DYM: variants seen among roughly 807,000 people sequenced by gnomAD.
DYM encodes dymeclin, also known as dyggve-Melchior-Clausen syndrome protein.
DYM carries 78 observed loss-of-function variants against 93.1 expected under a neutral mutation model. That is an observed-to-expected ratio of 0.84 (90% confidence interval 0.70 to 1.01). The LOEUF (loss-of-function observed/expected upper bound fraction) is 1.01, where lower values mean the gene tolerates loss of function less well. Ranked by LOEUF, DYM falls within the 50% of genes least tolerant of loss-of-function variation. DYM has a pLI of 0.00. For missense variants in DYM, 789 were observed against 845.0 expected (o/e 0.93, Z 0.82); for synonymous variants, 321 against 319.7 (o/e 1.00, Z -0.04).
chr18:49,280,548 CA>C (rs1180929455), intron 10 of DYM, among the ~76,000 whole-genome samples: 2 of 152,120 alleles, frequency 1.3e-5, no homozygotes, highest in East Asian at 3.8e-4. Context: ...AAGACCTGAA[CA>C]GGCTGAATCC....
intron 15 of DYM, among the ~76,000 whole-genome samples, chr18:49,158,912 T>A (rs2086754471): frequency 6.6e-6 from 1 of 152,186 alleles, no homozygotes; most frequent in Admixed American, 6.5e-5. Flanking sequence ...CATAATTGGA[T>A]TGTTTGTAAC....
intron 6 of DYM, among the ~76,000 whole-genome samples, chr18:49,360,116 G>C (rs1175658700): frequency 6.6e-6 from 1 of 152,132 alleles, no homozygotes; most frequent in Non-Finnish European, 1.5e-5. Flanking sequence ...TGAAATGTTT[G>C]ATATATTACA....
chr18:49,316,592 T>C (rs2061959478), intron 8 of DYM, among the ~76,000 whole-genome samples: 1 of 152,226 alleles, frequency 6.6e-6, no homozygotes, highest in African/African-American at 2.4e-5. Flanking sequence ...CAACGTTTAC[T>C]GAAGTTTATA....
chr18:49,420,360 G>C (rs1348838711), intron 2 of DYM, among the ~76,000 whole-genome samples: 1 of 151,594 alleles, frequency 6.6e-6, no homozygotes, highest in Non-Finnish European at 1.5e-5. Flanking sequence ...GTAGAGATAG[G>C]GTTTCACCAC....
At chr18:49,254,435 C>T (rs925363229) in intron 13 of DYM, among the ~76,000 whole-genome samples, 8 of 151,470 alleles carry the variant, frequency 5.3e-5, no homozygotes, top group Non-Finnish European at 1.0e-4. Context: ...TAACATAGTT[C>T]GTTATTCATA....
At chr18:49,315,016 A>G (rs1285519646) in intron 8 of DYM, among the ~76,000 whole-genome samples, 1 of 152,132 alleles carries the variant, frequency 6.6e-6, no homozygotes, top group East Asian at 1.9e-4. Flanking sequence ...GGAGTTCGAG[A>G]CCAGCCTGGG....
intron 14 of DYM, among the ~76,000 whole-genome samples, chr18:49,202,168 C>A (rs927990355): frequency 6.6e-5 from 10 of 152,220 alleles, no homozygotes; most frequent in Non-Finnish European, 1.5e-4. Context: ...ATGTGTGATG[C>A]CCTTAAAATG....
At chr18:49,342,573 T>A (rs2064247809) in intron 6 of DYM, among the ~76,000 whole-genome samples, 1 of 152,142 alleles carries the variant, frequency 6.6e-6, no homozygotes, top group African/African-American at 2.4e-5. Flanking sequence ...CATAAAAATA[T>A]TACTCATTGT....
At chr18:49,398,075 G>C (rs923548651) in intron 2 of DYM, among the ~76,000 whole-genome samples, 2 of 152,108 alleles carry the variant, frequency 1.3e-5, no homozygotes, top group Non-Finnish European at 2.9e-5. Context: ...GTTACCTTAA[G>C]AGTCTCAAAT....
intron 11 of DYM, among the ~76,000 whole-genome samples, chr18:49,266,012 T>A (rs944454899): frequency 6.6e-6 from 1 of 151,724 alleles, no homozygotes. Flanking sequence ...AAAAAATAAT[T>A]AGCCAGGTGT....
intron 16 of DYM, among the ~76,000 whole-genome samples, chr18:49,114,774 C>T (rs1049781458): frequency 4.6e-5 from 7 of 152,140 alleles, no homozygotes; most frequent in Non-Finnish European, 1.0e-4. Context: ...TGTACCACCA[C>T]GCCTGGCTCT....
chr18:49,334,776 T>G (rs920721854), intron 6 of DYM, among the ~76,000 whole-genome samples: 1 of 152,200 alleles, frequency 6.6e-6, no homozygotes, highest in African/African-American at 2.4e-5. Context: ...AAATTTAAAT[T>G]CTACCAGATA....
chr18:49,443,222 A>C (rs1317507196), intron 1 of DYM, among the ~76,000 whole-genome samples: 1 of 152,226 alleles, frequency 6.6e-6, no homozygotes, highest in Non-Finnish European at 1.5e-5. Flanking sequence ...TATGAAAAGA[A>C]AATTTCAGTG....
chr18:49,081,519 AG>A (rs1311804043), intron 17 of DYM, among the ~76,000 whole-genome samples: 1 of 124,182 alleles, frequency 8.1e-6, no homozygotes, highest in African/African-American at 3.6e-5. Context: ...GGAGACCGAG[AG>A]GGAGAGGGGA....
At chr18:49,294,696 C>A (rs753121154) in intron 8 of DYM, among the ~76,000 whole-genome samples, 1 of 152,016 alleles carries the variant, frequency 6.6e-6, no homozygotes, top group East Asian at 1.9e-4. Flanking sequence ...TAAGTTACTG[C>A]TTTTTCATAT....
At chr18:49,095,376 C>G (rs1000905680) in intron 17 of DYM, among the ~76,000 whole-genome samples, 2 of 151,714 alleles carry the variant, frequency 1.3e-5, no homozygotes, top group Non-Finnish European at 2.9e-5. Flanking sequence ...TTTAAACCAA[C>G]TAGGATGACT....
chr18:49,400,196 C>T (rs1019383183), intron 2 of DYM, among the ~76,000 whole-genome samples: 1 of 152,004 alleles, frequency 6.6e-6, no homozygotes, highest in Non-Finnish European at 1.5e-5. Context: ...CCACCTTGGC[C>T]TCCCAAAGTG....
intron 15 of DYM, chr18:49,126,324 T>G (rs1056716888): frequency 7.2e-5 from 11 of 152,190 alleles, no homozygotes; most frequent in Non-Finnish European, 1.3e-4. Flanking sequence ...TCTGATTTAC[T>G]AAAAACAAAG....
chr18:49,403,876 C>T (rs900336674), intron 2 of DYM, among the ~76,000 whole-genome samples: 1 of 152,142 alleles, frequency 6.6e-6, no homozygotes, highest in African/African-American at 2.4e-5. Flanking sequence ...CTTAGGATAA[C>T]GGCCTCTAGC....
Sources: gnomAD v4.1 joint callset for allele counts (sites outside exome capture counted in the v4.1 genomes callset) on GRCh38, gnomAD v4.1.1 for gene constraint, MANE v1.5 for transcripts, NCBI Gene and HGNC (gene_info 2026-07-23, HGNC 2026-07-21) for gene names.